The following EVC2 variants were observed in gnomAD, a reference collection of about 807,000 sequenced individuals.
EVC2 encodes the protein limbin.
A neutral mutation model predicts 149.3 loss-of-function variants in EVC2; 148 were observed. The observed-to-expected ratio is 0.99, with a 90% confidence interval of 0.87 to 1.14. The LOEUF is 1.14. Among genes scored for constraint, EVC2 ranks in the 50% most tolerant of loss-of-function variants. EVC2 has a pLI of 0.00. For synonymous variants in EVC2, 776 were observed against 649.9 expected (o/e 1.19, Z -2.95); for missense variants, 1,854 against 1,627.3 (o/e 1.14, Z -2.40).
intron 16 of EVC2, 21 bp downstream of exon 16, chr4:5,615,401 G>C: frequency 6.2e-7 from 1 of 1,614,158 alleles, no homozygotes. Context: ...AGAAACAGCT[G>C]GGTGAAGCAG....
chr4:5,685,181 A>G (rs566441091), intron 6 of EVC2, among the ~76,000 whole-genome samples, 189 bp downstream of exon 6: 1 of 152,304 alleles, frequency 6.6e-6, no homozygotes, highest in Non-Finnish European at 1.5e-5. Context: ...GCAAAGTCAC[A>G]TGGGCATTAC....
Position 5,694,377 on chromosome 4 carries a change from C to T in EVC2, c.408G>A (p.Lys136=), listed in dbSNP as rs763680760. ...GAGACTCTCTTTTAAATAAGTTCTT[C>T]TTAGGCCAGGAGGGTATAAAAGCAA... ...SLFAFIPSWP[K]KNLFKRESPI... Residue 136 remains lysine, a synonymous_variant, in exon 3 of 22, where the codon AAG becomes AAA. Transcript: ENST00000344408. 18 of 1,614,016 alleles carry T rather than the reference C, an allele frequency of 1.1e-5. No individual in the cohort carries two copies. The Admixed American group carries it at 3.0e-4, about 27-fold the overall frequency.
At chr4:5,691,513 T>C (rs935590322) in intron 3 of EVC2, among the ~76,000 whole-genome samples, 180 bp from the exon 4 acceptor site, 5 of 152,228 alleles carry the variant, frequency 3.3e-5, no homozygotes, top group Admixed American at 2.0e-4. Context: ...TTAAAACTTA[T>C]GGAAAGAAGA....
intron 21 of EVC2, among the ~76,000 whole-genome samples, chr4:5,545,506 A>G (rs182757318): frequency 6.6e-6 from 1 of 152,330 alleles, no homozygotes; most frequent in East Asian, 1.9e-4. Flanking sequence ...CTCAAAACAC[A>G]GAGTTATCAG....
At chr4:5,589,527 CT>C (rs1248960501) in intron 16 of EVC2, among the ~76,000 whole-genome samples, 1 of 152,188 alleles carries the variant, frequency 6.6e-6, no homozygotes, top group East Asian at 1.9e-4. Context: ...TCTGACTTGG[CT>C]TCCCCAAATT....
intron 21 of EVC2, among the ~76,000 whole-genome samples, chr4:5,546,091 C>T (rs1000060661): frequency 4.3e-4 from 65 of 152,220 alleles, no homozygotes; most frequent in African/African-American, 1.3e-3. Flanking sequence ...TGTGGAGAAA[C>T]AGGAACACTT....
intron 16 of EVC2, among the ~76,000 whole-genome samples, chr4:5,593,505 C>A (rs1713032771): frequency 6.6e-6 from 1 of 152,204 alleles, no homozygotes; most frequent in South Asian, 2.1e-4. Context: ...AAGAAACTTG[C>A]ACCCAAACAT....
chr4:5,562,702 G>A lies in EVC2; in HGVS notation c.*146C>T. 1 of 1,529,194 alleles carries A rather than the reference G, an allele frequency of 6.5e-7. No homozygotes were observed. The highest frequency in any genetic ancestry group is 8.7e-7 in the Non-Finnish European group (1 of 1,146,930). The allele number at this position is 1,529,194 out of a possible 1,614,324, so 94.7% of individuals were successfully genotyped here. ...TGAGACAAGATTAAACCGAGTCCCT[G>A]CAAGTTGGCATGCGCTACGGGGTCT... On this transcript the variant is annotated 3_prime_UTR_variant, in exon 22 of 22. Transcript: ENST00000344408. This position sits in a 1 kb window ranked among gnomAD's most constrained non-coding sequence, Gnocchi z 4.3.
chr4:5,625,802 T>C lies in EVC2; in HGVS notation c.1993A>G (p.Lys665Glu), dbSNP rs779756323. Reference sequence around the variant, plus strand: ...GTTATTAATTTTTGGTGGAGCTTTTTCTTTTCCTGCTTTAAGTCATTGTCC... The same window carrying C: ...GTTATTAATTTTTGGTGGAGCTTTTCCTTTTCCTGCTTTAAGTCATTGTCC... ...KLDNDLKQEK[K>E]KLHQKLITKR... is the part of the protein sequence containing the mutation. Residue 665 changes from lysine (K) to glutamate (E), a missense_variant, in exon 13 of 22, where the codon AAA (lysine) becomes GAA (glutamate). Lys to Glu is a moderately conservative substitution (Grantham distance 56). Transcript: ENST00000344408. This position sits in a 1 kb window ranked among gnomAD's most constrained non-coding sequence, Gnocchi z 4.0. The C allele has an allele frequency of 6.2e-7, 1 of 1,614,152 alleles. No homozygotes were observed. The highest frequency in any genetic ancestry group is 8.5e-7 in the Non-Finnish European group (1 of 1,180,030).
intron 16 of EVC2, among the ~76,000 whole-genome samples, chr4:5,587,444 C>T (rs1362459070): frequency 1.3e-5 from 2 of 152,170 alleles, no homozygotes; most frequent in East Asian, 3.8e-4. Context: ...ACTTCATTTC[C>T]TTTTTATGGC....
chr4:5,648,552 T>C (rs1020497767), intron 9 of EVC2, among the ~76,000 whole-genome samples: 8 of 152,142 alleles, frequency 5.3e-5, no homozygotes, highest in African/African-American at 1.7e-4. Flanking sequence ...ACCACCCTCA[T>C]AGGTTGTTGT....
At chr4:5,703,939 G>C (rs1204803449) in intron 1 of EVC2, among the ~76,000 whole-genome samples, 2 of 152,106 alleles carry the variant, frequency 1.3e-5, no homozygotes, top group Admixed American at 1.3e-4. Flanking sequence ...AGGGGGAGGA[G>C]CATTAGTTCA....
intron 11 of EVC2, among the ~76,000 whole-genome samples, chr4:5,631,569 G>GGA (rs1491141991): frequency 2.4e-5 from 3 of 123,926 alleles, no homozygotes; most frequent in East Asian, 5.2e-4. Context: ...CAGTAGACTG[G>GGA]GGGGGGGAAC....
In EVC2 at chr4:5,567,183, G is replaced by A. The variant is rs1033657972; in HGVS notation, c.3557+1261C>T. ...AACATGCAGCCAGCCCTCTGACTGC[G>A]GTCCACAACCCACTTCCTGACTATA... On this transcript the variant is annotated intron_variant, in intron 20 of 21. Transcript: ENST00000344408. The surrounding 1 kb of genome is among the most constrained non-coding windows in gnomAD (Gnocchi z 4.4). Among the ~76,000 whole-genome samples, 7 of 151,832 alleles carry A rather than the reference G, an allele frequency of 4.6e-5. No homozygotes were observed. The highest frequency in any genetic ancestry group is 7.3e-5 in the African/African-American group (3 of 41,334).
rs201181221 is a variant in EVC2, at chr4:5,622,879, G to T, written c.2159C>A (p.Thr720Asn). Residue 720 changes from threonine to asparagine, a missense_variant, in exon 14 of 22, where the codon ACC (threonine) becomes AAC (asparagine). Coordinates refer to ENST00000344408, the MANE Select transcript of EVC2 (RefSeq NM_147127.5). The surrounding 1 kb of genome is among the most constrained non-coding windows in gnomAD (Gnocchi z 5.8). The part of the protein sequence containing the change: ...KRSLMEEHGA[T>N]LEELQERLDQ... ...CAGACGCTCCTGCAGCTCCTCCAGG[G>T]TGGCACCGTGCTCCTCCATCAGGCT... 2.8e-5 allele frequency: 45 copies of T among 1,614,040 alleles called. No homozygotes were observed. Among genetic ancestry groups the T allele is most frequent in the Non-Finnish European group, 3.7e-5 (44 of 1,180,050 alleles).
At chr4:5,545,081 C>T (rs1721588698) in intron 21 of EVC2, among the ~76,000 whole-genome samples, 2 of 152,322 alleles carry the variant, frequency 1.3e-5, no homozygotes, top group Non-Finnish European at 2.9e-5. Context: ...ACCTGAGGCA[C>T]TCCCAGAAAG....
At chr4:5,693,292 T>C (rs571186797) in intron 3 of EVC2, among the ~76,000 whole-genome samples, 2 of 152,290 alleles carry the variant, frequency 1.3e-5, no homozygotes, top group East Asian at 3.9e-4. Context: ...CCAGAACCTG[T>C]GTATGTGTCC....
At chr4:5,676,066 T>G (rs1719968956) in intron 7 of EVC2, among the ~76,000 whole-genome samples, 1 of 152,190 alleles carries the variant, frequency 6.6e-6, no homozygotes, top group South Asian at 2.1e-4. Context: ...AACACTGTGA[T>G]CTGTTCTCCT....
intron 7 of EVC2, among the ~76,000 whole-genome samples, chr4:5,674,577 G>A (rs1397482304): frequency 6.6e-6 from 1 of 152,150 alleles, no homozygotes; most frequent in Admixed American, 6.5e-5. Context: ...GCTGGCCAGG[G>A]GAGGGCTCGG....
Sources: allele counts gnomAD v4.1 joint callset (sites outside exome capture counted in the v4.1 genomes callset), GRCh38; gene constraint gnomAD v4.1.1; non-coding constraint Gnocchi (gnomAD v3.1); transcripts MANE v1.5; gene names NCBI Gene and HGNC (gene_info 2026-07-23, HGNC 2026-07-21).